The following KICS2 variants were observed in gnomAD, a reference collection of about 807,000 sequenced individuals.
The protein encoded by KICS2 is KICSTOR subunit 2.
A neutral mutation model predicts 31.4 loss-of-function variants in KICS2; 13 were observed. The observed-to-expected ratio is 0.41, with a 90% CI of 0.27 to 0.66. The LOEUF (loss-of-function observed/expected upper bound fraction) is 0.66. KICS2 is among the 30% of genes least tolerant of loss of function. The pLI is 0.28. For missense variants in KICS2, 455 were observed against 545.4 expected, an observed-to-expected ratio of 0.83 and a Z score of 1.65; for synonymous variants, 209 against 214.8, an observed-to-expected ratio of 0.97 and a Z score of 0.24.
intron 1 of KICS2, among the ~76,000 whole-genome samples, chr12:64,218,471 T>C (rs1404581832): frequency 6.6e-6 from 1 of 152,216 alleles, no homozygotes; most frequent in African/African-American, 2.4e-5. Flanking sequence ...GTAATGTGCC[T>C]GGAACAAAGA....
intron 1 of KICS2, among the ~76,000 whole-genome samples, chr12:64,218,037 G>A (rs190746944): frequency 6.6e-6 from 1 of 152,346 alleles, no homozygotes; most frequent in Non-Finnish European, 1.5e-5. Context: ...GGACAAGCTT[G>A]TTCCAAACAG....
chr12:64,206,593 A>C (rs2037540936), intron 2 of KICS2, among the ~76,000 whole-genome samples: 1 of 152,218 alleles, frequency 6.6e-6, no homozygotes, highest in South Asian at 2.1e-4. Context: ...ATGGCATTTG[A>C]ATTGAGCCAT....
At position 64,222,097 on chromosome 12, in the gene KICS2, C is replaced by T. The variant is rs755361054; in HGVS notation, c.141G>A (p.Ala47=). 6.2e-7 allele frequency: 1 copy of T among 1,613,980 alleles called. No homozygotes were observed. Among genetic ancestry groups the T allele is most frequent in the South Asian group, 1.1e-5 (1 of 91,068 alleles). The stretch of plus-strand genomic sequence containing the variant: ...CCAGCAGCGACAGCCAGCTGCCCCC[C>T]GCGCTCTTGTTGGCCTCTCGTTCCT... The part of the protein sequence containing the change: ...VEKEREANKS[A]GGSWLSLLAA... Residue 47 remains alanine, a synonymous_variant, in exon 1 of 3, where the codon GCG becomes GCA. Transcript: ENST00000398055.
In KICS2 at chr12:64,192,421, G is replaced by A. The variant is rs73132117; in HGVS notation, c.*1421C>T. 29 of 174,280 alleles carry A rather than the reference G, an allele frequency of 1.7e-4. No individual in the cohort carries two copies. Among genetic ancestry groups the A allele is most frequent in the Non-Finnish European group, 2.7e-4 (24 of 88,264 alleles). The allele number at this position is 174,280 out of a possible 1,614,324, so 10.8% of individuals were successfully genotyped here. A position where few individuals can be genotyped will look rare whatever the true frequency, so the allele number is the denominator to read the frequency against. ...ATTACAGGCGTGTGCCACCGTGCCT[G>A]GCCGGTTCTTCTTTCTTCTGCCAGG... On this transcript the variant is annotated 3_prime_UTR_variant, in exon 3 of 3. Transcript: ENST00000398055.
At chr12:64,189,955 T>TA (rs1403437608), downstream of KICS2, among the ~76,000 whole-genome samples, 7 of 151,738 alleles carry the variant, frequency 4.6e-5, no homozygotes, top group African/African-American at 1.5e-4. Flanking sequence ...CAGTAATTGA[T>TA]AGAGTAACCA....
chr12:64,217,422 TC>T (rs1383613213), intron 1 of KICS2, among the ~76,000 whole-genome samples: 1 of 151,798 alleles, frequency 6.6e-6, no homozygotes, highest in African/African-American at 2.4e-5. Flanking sequence ...AGAAGAATTG[TC>T]TTGGGGCACA....
At position 64,193,895 on chromosome 12, in the gene KICS2, C is replaced by A; in HGVS notation, c.1285G>T (p.Ala429Ser). Residue 429 changes from alanine (A) to serine (S), a missense_variant, in exon 3 of 3, where the codon GCC becomes TCC. Ala to Ser is a moderately conservative substitution (Grantham distance 99). Transcript: ENST00000398055. ...FISFLNEVSLALKNPKVFASL... is the reference protein window; with the variant it reads ...FISFLNEVSLSLKNPKVFASL... ...GCAAACACTTTGGGGTTCTTAAGGGCAAGTGAGACCTCATTGAGGAAGGAA... is the reference window on the plus strand; with the variant it reads ...GCAAACACTTTGGGGTTCTTAAGGGAAAGTGAGACCTCATTGAGGAAGGAA... 6.2e-7 allele frequency: 1 copy of A among 1,614,112 alleles called. No homozygotes were observed. The highest frequency in any genetic ancestry group is 8.5e-7 in the Non-Finnish European group (1 of 1,180,030).
At chr12:64,190,057 T>A (rs1646499172), downstream of KICS2, among the ~76,000 whole-genome samples, 1 of 152,158 alleles carries the variant, frequency 6.6e-6, no homozygotes, top group Admixed American at 6.5e-5. Flanking sequence ...ACAAAGATTC[T>A]AAAATAGGAA....
Position 64,212,056 on chromosome 12 carries a change from G to A in KICS2, c.521+3622C>T, listed in dbSNP as rs575049828. Among the ~76,000 whole-genome samples the A allele has an allele frequency of 4.9e-4, 75 of 152,270 alleles. 1 individual carries two copies. In the South Asian group the frequency reaches 0.015, roughly 31 times the overall value. On this transcript the variant is annotated intron_variant, in intron 2 of 2. Coordinates refer to ENST00000398055, the MANE Select transcript of KICS2 (RefSeq NM_152440.5). ...ACTCAGGGAAGTACAATCATATACA[G>A]AGAGAGATAAGGCAAATGTGGCAAA... is the stretch of plus-strand genomic sequence containing the variant.
chr12:64,190,243 GAA>G (rs1338392554), downstream of KICS2, among the ~76,000 whole-genome samples: 3 of 152,128 alleles, frequency 2.0e-5, no homozygotes, highest in African/African-American at 7.2e-5. Flanking sequence ...TCAAATTCCA[GAA>G]AGTTTCCAAA....
downstream of KICS2, among the ~76,000 whole-genome samples, chr12:64,190,245 A>G (rs2037368737): frequency 6.6e-6 from 1 of 152,132 alleles, no homozygotes; most frequent in African/African-American, 2.4e-5. Flanking sequence ...AAATTCCAGA[A>G]AGTTTCCAAA....
At chr12:64,189,263 T>C (rs551420182), downstream of KICS2, among the ~76,000 whole-genome samples, 2 of 152,330 alleles carry the variant, frequency 1.3e-5, no homozygotes, top group Non-Finnish European at 2.9e-5. Flanking sequence ...TGGAGGTGAA[T>C]TTCTCTTTGT....
chr12:64,196,437 A>T (rs953480998), intron 2 of KICS2, among the ~76,000 whole-genome samples: 1 of 150,094 alleles, frequency 6.7e-6, no homozygotes, highest in Non-Finnish European at 1.5e-5. Context: ...ATCCACACCG[A>T]AAACCCATCT....
intron 2 of KICS2, among the ~76,000 whole-genome samples, chr12:64,212,788 T>C (rs948851410): frequency 2.0e-5 from 3 of 151,906 alleles, no homozygotes; most frequent in Non-Finnish European, 4.4e-5. Flanking sequence ...AATAAAAAAT[T>C]AGAGGAAAAA....
chr12:64,206,830 C>A (rs960400538), intron 2 of KICS2, among the ~76,000 whole-genome samples: 13 of 152,084 alleles, frequency 8.5e-5, no homozygotes, highest in African/African-American at 2.9e-4. Context: ...ATGTGGTATC[C>A]AGAGTAGTCA....
intron 2 of KICS2, among the ~76,000 whole-genome samples, chr12:64,213,702 C>A (rs812590): frequency 0.74 from 112,858 of 152,050 alleles, 42,635 homozygotes; most frequent in East Asian, 0.94. Flanking sequence ...CGTCTGAACT[C>A]TAGACCCCCA....
intron 1 of KICS2, among the ~76,000 whole-genome samples, chr12:64,218,483 T>C (rs2037650191): frequency 6.6e-6 from 1 of 152,184 alleles, no homozygotes; most frequent in Non-Finnish European, 1.5e-5. Flanking sequence ...GAACAAAGAA[T>C]ATATTCTATA....
intron 2 of KICS2, among the ~76,000 whole-genome samples, chr12:64,198,937 A>C (rs1033726456): frequency 4.0e-5 from 6 of 151,116 alleles, no homozygotes; most frequent in African/African-American, 1.5e-4. Context: ...CAATAACAGG[A>C]GCTGAAATTG....
At chr12:64,216,153 A>AATACTTTATGATAATC (rs941279623) in intron 1 of KICS2, among the ~76,000 whole-genome samples, 190 bp from the exon 2 acceptor site, 8 of 151,340 alleles carry the variant, frequency 5.3e-5, no homozygotes, top group South Asian at 2.1e-4. Flanking sequence ...GATTATCATA[A>AATACTTTATGATAATC]ATACTTTATG....
Sources: gnomAD v4.1 joint callset for allele counts (sites outside exome capture counted in the v4.1 genomes callset) on GRCh38, gnomAD v4.1.1 for gene constraint, MANE v1.5 for transcripts, NCBI Gene and HGNC (gene_info 2026-07-23, HGNC 2026-07-21) for gene names.